The following RBFOX1 variants were observed in gnomAD, a reference collection of about 807,000 sequenced individuals.
RBFOX1 encodes RNA binding fox-1 homolog 1.
Under a neutral mutation model 57.7 loss-of-function variants are expected in RBFOX1, and 8 were observed. That is an observed-to-expected ratio of 0.14 (90% CI 0.08 to 0.25). The LOEUF (loss-of-function observed/expected upper bound fraction) is 0.25. Ranked by LOEUF, RBFOX1 falls within the 10% of genes least tolerant of loss-of-function variation. RBFOX1 has a pLI of 1.00. For synonymous variants in RBFOX1, 326 were observed against 222.4 expected (o/e 1.47, Z -4.15); for missense variants, 611 against 548.5 (o/e 1.11, Z -1.14).
intron 2 of RBFOX1, among the ~76,000 whole-genome samples, chr16:5,551,076 G>C (rs553148437): frequency 2.6e-5 from 4 of 152,252 alleles, no homozygotes; most frequent in African/African-American, 9.6e-5. Context: ...CCCACTGCAT[G>C]GTTCTTACTT....
intron 4 of RBFOX1, among the ~76,000 whole-genome samples, chr16:7,234,804 C>A (rs73544810): frequency 0.012 from 1,781 of 151,906 alleles, 36 homozygotes; most frequent in African/African-American, 0.041. Context: ...TTTTCAATTT[C>A]CAAAAATATG....
At chr16:5,572,670 G>C (rs987404962) in intron 2 of RBFOX1, among the ~76,000 whole-genome samples, 1 of 152,214 alleles carries the variant, frequency 6.6e-6, no homozygotes, top group Non-Finnish European at 1.5e-5. Context: ...CTGCAGGGGA[G>C]AGAGGAATCC....
chr16:6,987,574 C>T (rs1227527802), intron 3 of RBFOX1, among the ~76,000 whole-genome samples: 2 of 151,992 alleles, frequency 1.3e-5, no homozygotes, highest in South Asian at 2.1e-4. Flanking sequence ...CATAGGTGGG[C>T]ACAGGTGCAC....
At chr16:6,870,182 C>G (rs1209805585) in intron 3 of RBFOX1, among the ~76,000 whole-genome samples, 1 of 151,958 alleles carries the variant, frequency 6.6e-6, no homozygotes, top group Non-Finnish European at 1.5e-5. Context: ...GGGTTTGGCC[C>G]GAAAACCTTA....
At chr16:5,547,986 C>T (rs888948438) in intron 2 of RBFOX1, among the ~76,000 whole-genome samples, 1 of 151,276 alleles carries the variant, frequency 6.6e-6, no homozygotes, top group Non-Finnish European at 1.5e-5. Context: ...ATGGTGAAAC[C>T]CTGTCTCTAC....
chr16:6,320,887 G>A (rs1367237174), intron 2 of RBFOX1, among the ~76,000 whole-genome samples: 1 of 152,064 alleles, frequency 6.6e-6, no homozygotes, highest in East Asian at 1.9e-4. Context: ...TTCACCTCCT[G>A]GGTTCAAGCG....
At chr16:7,131,114 G>A (rs766078542) in intron 4 of RBFOX1, among the ~76,000 whole-genome samples, 1 of 152,084 alleles carries the variant, frequency 6.6e-6, no homozygotes. Context: ...GGAAGCCAAG[G>A]CGGGCAGATC....
intron 2 of RBFOX1, among the ~76,000 whole-genome samples, chr16:6,553,162 G>T (rs1256557547): frequency 6.6e-6 from 1 of 152,144 alleles, no homozygotes; most frequent in Non-Finnish European, 1.5e-5. Context: ...AAACAGGGAG[G>T]ATTTTATCTG....
intron 2 of RBFOX1, among the ~76,000 whole-genome samples, chr16:6,337,945 T>C (rs746785107): frequency 7.2e-5 from 11 of 152,170 alleles, no homozygotes; most frequent in Non-Finnish European, 1.6e-4. Flanking sequence ...GCCAAATCAC[T>C]AAGTGGATGG....
chr16:5,698,568 C>A (rs1214234579), intron 3 of RBFOX1, among the ~76,000 whole-genome samples: 1 of 150,258 alleles, frequency 6.7e-6, no homozygotes, highest in Non-Finnish European at 1.5e-5. Context: ...AACAAAAATA[C>A]TGTATGACCC....
chr16:5,875,969 G>A (rs1005591286), intron 4 of RBFOX1, among the ~76,000 whole-genome samples: 7 of 151,450 alleles, frequency 4.6e-5, no homozygotes, highest in Non-Finnish European at 8.8e-5. Context: ...TCAGCCTCCC[G>A]AGTAGCTGGG....
intron 3 of RBFOX1, among the ~76,000 whole-genome samples, chr16:6,897,490 A>G (rs1242774570): frequency 5.3e-5 from 8 of 152,196 alleles, no homozygotes; most frequent in Non-Finnish European, 2.9e-5. Context: ...TATTTAAGAA[A>G]ATGGTCAAGT....
chr16:6,678,138 G>A (rs769312825), intron 3 of RBFOX1, among the ~76,000 whole-genome samples: 8 of 152,160 alleles, frequency 5.3e-5, no homozygotes, highest in Admixed American at 6.5e-5. Flanking sequence ...GTTGTGTTGT[G>A]TTTGAGACGG....
chr16:6,367,421 C>T (rs944084420), intron 2 of RBFOX1, among the ~76,000 whole-genome samples: 1 of 152,200 alleles, frequency 6.6e-6, no homozygotes, highest in East Asian at 1.9e-4. Flanking sequence ...CAGGCATGCA[C>T]CACCATGCCC....
At chr16:5,941,439 A>G (rs941390909) in intron 4 of RBFOX1, among the ~76,000 whole-genome samples, 2 of 151,794 alleles carry the variant, frequency 1.3e-5, no homozygotes, top group Admixed American at 6.6e-5. Context: ...GCAGTGAGCT[A>G]TGATAGCTCT....
chr16:7,175,709 C>G (rs2081524035), intron 4 of RBFOX1, among the ~76,000 whole-genome samples: 1 of 152,218 alleles, frequency 6.6e-6, no homozygotes, highest in Non-Finnish European at 1.5e-5. Flanking sequence ...CCGAGGTTAC[C>G]TCTTCCAGCC....
chr16:7,393,667 A>G (rs1275238685), intron 4 of RBFOX1, among the ~76,000 whole-genome samples: 1 of 152,106 alleles, frequency 6.6e-6, no homozygotes, highest in Non-Finnish European at 1.5e-5. Flanking sequence ...GATCTGGATT[A>G]TTCATTGTGC....
chr16:6,818,698 A>T (rs925606834), intron 3 of RBFOX1, among the ~76,000 whole-genome samples: 9 of 152,136 alleles, frequency 5.9e-5, no homozygotes, highest in Non-Finnish European at 1.0e-4. Context: ...TCTCTAGAGA[A>T]GTCCTCTCTT....
intron 1 of RBFOX1, among the ~76,000 whole-genome samples, chr16:6,311,445 A>T (rs1322326296): frequency 1.3e-5 from 2 of 151,998 alleles, no homozygotes; most frequent in Non-Finnish European, 2.9e-5. Context: ...TGGGGATGGG[A>T]TGGGAAGCAA....
Sources: gnomAD v4.1 joint callset for allele counts (sites outside exome capture counted in the v4.1 genomes callset) on GRCh38, gnomAD v4.1.1 for gene constraint, MANE v1.5 for transcripts, NCBI Gene and HGNC (gene_info 2026-07-23, HGNC 2026-07-21) for gene names.